Variants in VWA5B2 observed in about 807,000 individuals in gnomAD.
VWA5B2 encodes the protein von Willebrand factor A domain containing 5B2.
A neutral mutation model predicts 118.5 loss-of-function variants in VWA5B2; 93 were observed. The ratio of observed to expected loss-of-function variants is 0.79; its 90% confidence interval spans 0.66 to 0.93. VWA5B2 has a LOEUF of 0.93. VWA5B2 is among the 40% of genes least tolerant of loss of function. The pLI, the probability that VWA5B2 is intolerant of heterozygous loss-of-function variation, is 0.00. For synonymous variants in VWA5B2, 708 were observed against 716.3 expected, an observed-to-expected ratio of 0.99 and a Z score of 0.19; for missense variants, 1,546 against 1,672.8, an observed-to-expected ratio of 0.92 and a Z score of 1.32.
rs1056160774 is a variant in VWA5B2, at chr3:184,235,219, T to C, written c.1012T>C (p.Cys338Arg). The C allele has an allele frequency of 1.4e-5, 22 of 1,551,578 alleles. No homozygotes were observed. Among genetic ancestry groups the C allele is most frequent in the Non-Finnish European group, 1.9e-5 (22 of 1,146,986 alleles). The change falls in exon 8 of 20, where the codon TGC becomes CGC. Residue 338 changes from cysteine to arginine, a missense_variant. By Grantham distance (180) the Cys-to-Arg change is radical (BLOSUM62 -3). Around this residue, in one of 3 missense-constraint regions of VWA5B2, gnomAD observed 775 missense variants for 882.3 expected, o/e 0.88. Coordinates refer to ENST00000691901, the MANE Select transcript of VWA5B2 (RefSeq NM_001390846.1). ...LLNPVLALSF[C>R]PDLSSKPGHL... ...GAACCCCGTGCTGGCGCTGAGCTTC[T>C]GCCCAGACCTGAGCTCCAAGCCCGG... is the stretch of plus-strand genomic sequence containing the variant.
At position 184,241,328 on chromosome 3, in the gene VWA5B2, G is replaced by C. The variant is rs1474358902; in HGVS notation, c.3104G>C (p.Arg1035Pro). Residue 1035 changes from arginine (R) to proline (P), a missense_variant, in exon 19 of 20, where the codon CGC (arginine) becomes CCC (proline). Coordinates refer to ENST00000691901, the MANE Select transcript of VWA5B2 (RefSeq NM_001390846.1). This position sits in a 1 kb window ranked among gnomAD's most constrained non-coding sequence, Gnocchi z 5.1. ...PRPPCRLSMG[R>P]RHKLCSPDPG... is the part of the protein sequence containing the mutation. The stretch of plus-strand genomic sequence containing the variant: ...CCTCCCTGTCGGCTCAGCATGGGCC[G>C]CCGTCACAAACTCTGTAGCCCTGAC... The C allele has an allele frequency of 6.4e-7, 1 of 1,551,416 alleles. No homozygotes were observed. Among genetic ancestry groups the C allele is most frequent in the East Asian group, 2.4e-5 (1 of 40,922 alleles).
rs1718603105 is a variant in VWA5B2, at chr3:184,241,296, TCCCCGTCCTC to T, written c.3075_3084del (p.Arg1026ValfsTer143). On this transcript the variant is annotated frameshift_variant, in exon 19 of 20. Coordinates refer to ENST00000691901, the MANE Select transcript of VWA5B2 (RefSeq NM_001390846.1). LOFTEE classifies it high-confidence loss of function. This position sits in a 1 kb window ranked among gnomAD's most constrained non-coding sequence, Gnocchi z 5.1. The stretch of plus-strand genomic sequence containing the variant: ...CCACGGAAGGTCCTCGCCGCCCACC[TCCCCGTCCTC>T]CCTGTCGGCTCAGCATGGGCCGCCG... The T allele has an allele frequency of 1.3e-6, 2 of 1,550,966 alleles. No individual in the cohort carries two copies. Among genetic ancestry groups the T allele is most frequent in the Admixed American group, 3.9e-5 (2 of 50,956 alleles).
chr3:184,236,691 C>A lies in VWA5B2; in HGVS notation c.1475C>A (p.Ser492Tyr). 1 of 1,551,108 alleles carries A rather than the reference C, an allele frequency of 6.4e-7. No individual in the cohort carries two copies. Among genetic ancestry groups the A allele is most frequent in the Non-Finnish European group, 8.7e-7 (1 of 1,146,538 alleles). ...TGCCACCAGCTGCTCCAGGGTTTAT[C>A]TGCCCTCAGCAGAGGCCAGGCCTAC... ...PTCHQLLQGL[S>Y]ALSRGQAYFL... is the part of the protein sequence containing the mutation. The change falls in exon 11 of 20, where the codon TCT becomes TAT. Residue 492 changes from serine (S) to tyrosine (Y), a missense_variant. Ser to Tyr is a moderately radical substitution (Grantham distance 144, BLOSUM62 -2). This residue lies in a region of VWA5B2 where 775 missense variants were observed against 882.3 expected (regional missense o/e 0.88). Transcript: ENST00000691901.
At position 184,233,365 on chromosome 3, in the gene VWA5B2, G is replaced by A. The variant is rs947142250; in HGVS notation, c.498G>A (p.Gly166=). Residue 166 remains glycine, a synonymous_variant, in exon 4 of 20, where the codon GGG becomes GGA. Coordinates refer to ENST00000691901, the MANE Select transcript of VWA5B2 (RefSeq NM_001390846.1). The surrounding 1 kb of genome is among the most constrained non-coding windows in gnomAD (Gnocchi z 5.2). ...LTPLAPPGPP[G]PPRPPGLCDD... is the part of the protein sequence containing the mutation. ...CGCTGGCCCCGCCAGGCCCGCCGGG[G>A]CCCCCCAGGCCTCCGGGGCTCTGTG... 12 of 1,539,110 alleles carry A rather than the reference G, an allele frequency of 7.8e-6. No individual in the cohort carries two copies. Among genetic ancestry groups the A allele is most frequent in the East Asian group, 2.4e-5 (1 of 40,826 alleles).
rs776194690 is a variant in VWA5B2 at position 184,237,322 on chromosome 3, C to T, written c.1630C>T (p.Arg544Trp). ...PDTVEALLTP[R>W]EIPALYPGDQ... ...CACTGTGGAGGCACTGCTGACCCCC[C>T]GGGAGATCCCAGCACTCTACCCTGG... Residue 544 changes from arginine to tryptophan, a missense_variant, in exon 12 of 20, where the codon CGG becomes TGG. Coordinates refer to ENST00000691901, the MANE Select transcript of VWA5B2 (RefSeq NM_001390846.1). The surrounding 1 kb of genome is among the most constrained non-coding windows in gnomAD (Gnocchi z 5.6). The T allele has an allele frequency of 9.7e-6, 15 of 1,551,316 alleles. No homozygotes were observed. The highest frequency in any genetic ancestry group is 4.8e-5 in the South Asian group (4 of 84,056).
chr3:184,237,415 A>G lies in VWA5B2; in HGVS notation c.1719+4A>G. The G allele has an allele frequency of 7.8e-6, 12 of 1,545,574 alleles. No homozygotes were observed. The highest frequency in any genetic ancestry group is 9.6e-6 in the Non-Finnish European group (11 of 1,142,854). On this transcript the variant is annotated splice_donor_region_variant and intron_variant, in intron 12 of 19. Transcript: ENST00000691901. This position sits in a 1 kb window ranked among gnomAD's most constrained non-coding sequence, Gnocchi z 5.6. ...CTTCCGGTCCCGCCCACCAGGGGTAAGCTTGGGCTGGGGTGTGGTAGGGGG... is the reference window on the plus strand; with the variant it reads ...CTTCCGGTCCCGCCCACCAGGGGTAGGCTTGGGCTGGGGTGTGGTAGGGGG...
chr3:184,234,246 C>T lies in VWA5B2; in HGVS notation c.689-20C>T, dbSNP rs754823833. The T allele has an allele frequency of 3.9e-6, 6 of 1,550,526 alleles. No homozygotes were observed. The South Asian group carries it at 4.8e-5, about 12-fold the overall frequency. On this transcript the variant is annotated intron_variant, in intron 5 of 19. Transcript: ENST00000691901. Reference sequence around the variant, plus strand: ...AGGTGTTATGGCTACATCTCCCCTTCCTGCCTCTATGTCCCTCAGGCCTGG... The same window carrying T: ...AGGTGTTATGGCTACATCTCCCCTTTCTGCCTCTATGTCCCTCAGGCCTGG...
intron 3 of VWA5B2, among the ~76,000 whole-genome samples, chr3:184,232,254 A>G (rs1020431841): frequency 2.0e-5 from 3 of 152,058 alleles, no homozygotes; most frequent in African/African-American, 7.2e-5. Flanking sequence ...CACCACAATC[A>G]CAGAGTTATT....
Position 184,242,209 on chromosome 3 carries a change from G to A in VWA5B2, c.*171G>A. The stretch of plus-strand genomic sequence containing the variant: ...GCCCCCACAAAAAGTGCCTGCCTGT[G>A]CTCTCTCCCTCTCCTCCCACCCCAC... On this transcript the variant is annotated 3_prime_UTR_variant, in exon 20 of 20. Coordinates refer to ENST00000691901, the MANE Select transcript of VWA5B2 (RefSeq NM_001390846.1). 1 of 855,586 alleles carries A rather than the reference G, an allele frequency of 1.2e-6. No individual in the cohort carries two copies. Among genetic ancestry groups the A allele is most frequent in the African/African-American group, 1.7e-5 (1 of 59,628 alleles). The allele number at this position is 855,586 out of a possible 1,614,324, so 53.0% of individuals were successfully genotyped here. A position where few individuals can be genotyped will look rare whatever the true frequency, so the allele number is the denominator to read the frequency against.
Position 184,241,819 on chromosome 3 carries a change from C to T in VWA5B2, c.3510C>T (p.Ala1170=). ...TGCGGGGCCGGACCTGGGCCACTGCCGTAGCACTCGCCTGGCTGGAGCACC... is the reference window on the plus strand; with the variant it reads ...TGCGGGGCCGGACCTGGGCCACTGCTGTAGCACTCGCCTGGCTGGAGCACC... ...TDLRGRTWAT[A]VALAWLEHRC... The change falls in exon 20 of 20, where the codon GCC becomes GCT. Residue 1170 remains alanine (A), a synonymous_variant. Transcript: ENST00000691901. The surrounding 1 kb of genome is among the most constrained non-coding windows in gnomAD (Gnocchi z 5.1). 2 of 1,520,048 alleles carry T rather than the reference C, an allele frequency of 1.3e-6. No homozygotes were observed. The highest frequency in any genetic ancestry group is 1.3e-5 in the South Asian group (1 of 79,482). The allele number at this position is 1,520,048 out of a possible 1,614,324, so 94.2% of individuals were successfully genotyped here. A position where few individuals can be genotyped will look rare whatever the true frequency, so the allele number is the denominator to read the frequency against.
intron 3 of VWA5B2, 36 bp downstream of exon 3, chr3:184,230,953 G>A: frequency 8.3e-7 from 1 of 1,208,542 alleles, no homozygotes; most frequent in Non-Finnish European, 1.0e-6. Context: ...GCTCCTGAAA[G>A]CCGGGCGCAG....
At chr3:184,234,859 TCTCGGTAAGATCTCTC>T in intron 7 of VWA5B2, 104 bp downstream of exon 7, 1 of 1,480,796 alleles carries the variant, frequency 6.8e-7, no homozygotes, top group Non-Finnish European at 9.0e-7. Context: ...AGGCCTCTTT[TCTCGGTAAGATCTCTC>T]CACAGCTGCC....
Position 184,230,594 on chromosome 3 carries a change from C to T in VWA5B2, c.66C>T (p.Ala22=), listed in dbSNP as rs1717279335. The T allele has an allele frequency of 8.2e-6, 12 of 1,462,738 alleles. No individual in the cohort carries two copies. The highest frequency in any genetic ancestry group is 1.1e-5 in the Non-Finnish European group (12 of 1,114,192). The allele number at this position is 1,462,738 out of a possible 1,614,324, so 90.6% of individuals were successfully genotyped here. A position where few individuals can be genotyped will look rare whatever the true frequency, so the allele number is the denominator to read the frequency against. Residue 22 remains alanine (A), a synonymous_variant, in exon 2 of 20, where the codon GCC becomes GCT. Coordinates refer to ENST00000691901, the MANE Select transcript of VWA5B2 (RefSeq NM_001390846.1). The part of the protein sequence containing the change: ...PLPLTDSWVR[A]CANGPCLSVR... ...CGCTCACGGACTCCTGGGTCCGGGC[C>T]TGCGCCAACGGCCCCTGCCTCAGCG...
intron 8 of VWA5B2, among the ~76,000 whole-genome samples, chr3:184,235,890 A>G (rs1717925871): frequency 6.7e-6 from 1 of 148,436 alleles, no homozygotes; most frequent in Admixed American, 6.7e-5. Flanking sequence ...ACACACAGTC[A>G]TGTATACCTC....
At position 184,238,976 on chromosome 3, in the gene VWA5B2, G is replaced by T; in HGVS notation, c.2202+103G>T. 1 of 1,262,542 alleles carries T rather than the reference G, an allele frequency of 7.9e-7. No homozygotes were observed. The highest frequency in any genetic ancestry group is 1.5e-5 in the African/African-American group (1 of 66,320). The allele number at this position is 1,262,542 out of a possible 1,614,324, so 78.2% of individuals were successfully genotyped here. ...TAGAGTTTACTATTAAGTCTAGCTA[G>T]AGAGAAAGGTGGGTAAATCCCCAAC... On this transcript the variant is annotated intron_variant, in intron 14 of 19. Transcript: ENST00000691901. The surrounding 1 kb of genome is among the most constrained non-coding windows in gnomAD (Gnocchi z 5.0).
In VWA5B2 at chr3:184,235,172, G is replaced by A. The variant is rs1406668692; in HGVS notation, c.965G>A (p.Arg322His). ...GCTCAGGTGTGGTTCCTGCAGCGACGCTTCCACAAGGACATCCTGCTGAAC... is the reference window on the plus strand; with the variant it reads ...GCTCAGGTGTGGTTCCTGCAGCGACACTTCCACAAGGACATCCTGCTGAAC... ...GDRQVWFLQR[R>H]FHKDILLNPV... The change falls in exon 8 of 20, where the codon CGC (arginine) becomes CAC (histidine). Residue 322 changes from arginine (R) to histidine (H), a missense_variant. Physicochemically the swap from Arg to His is conservative, Grantham distance 29. This residue lies in a region of VWA5B2 where 775 missense variants were observed against 882.3 expected (regional missense o/e 0.88). Transcript: ENST00000691901. 4.5e-6 allele frequency: 7 copies of A among 1,551,484 alleles called. No individual in the cohort carries two copies. The highest frequency in any genetic ancestry group is 3.6e-5 in the South Asian group (3 of 84,064).
chr3:184,240,474 G>T (rs1247454381), intron 16 of VWA5B2: 7 of 440,744 alleles, frequency 1.6e-5, no homozygotes, highest in Non-Finnish European at 2.8e-5. Context: ...ATCATGAAGA[G>T]AGAGAACATT....
Position 184,230,462 on chromosome 3 carries a change from G to T in VWA5B2, c.-67G>T. 1 of 1,375,082 alleles carries T rather than the reference G, an allele frequency of 7.3e-7. No individual in the cohort carries two copies. Among genetic ancestry groups the T allele is most frequent in the Non-Finnish European group, 9.3e-7 (1 of 1,073,508 alleles). The allele number at this position is 1,375,082 out of a possible 1,614,324, so 85.2% of individuals were successfully genotyped here. A position where few individuals can be genotyped will look rare whatever the true frequency, so the allele number is the denominator to read the frequency against. ...CTCGCGCTGGCCTCTGGAGCGCGGGGTGGGCGTCCCGTCACCCTGCGCCCA... is the reference window on the plus strand; with the variant it reads ...CTCGCGCTGGCCTCTGGAGCGCGGGTTGGGCGTCCCGTCACCCTGCGCCCA... On this transcript the variant is annotated 5_prime_UTR_variant, in exon 2 of 20. Transcript: ENST00000691901.
In VWA5B2 at chr3:184,234,406, C is replaced by T. The variant is rs1717738798; in HGVS notation, c.820+9C>T. On this transcript the variant is annotated intron_variant, in intron 6 of 19. Transcript: ENST00000691901. Reference sequence around the variant, plus strand: ...CCTGCTGCACCCCAGTGGTGAGAGACTGGGACACACCGTGGGCCGGCTCTG... The same window carrying T: ...CCTGCTGCACCCCAGTGGTGAGAGATTGGGACACACCGTGGGCCGGCTCTG... 6.4e-7 allele frequency: 1 copy of T among 1,551,664 alleles called. No individual in the cohort carries two copies. The highest frequency in any genetic ancestry group is 1.7e-4 in the Middle Eastern group (1 of 5,992).
Sources: allele counts gnomAD v4.1 joint callset (sites outside exome capture counted in the v4.1 genomes callset), GRCh38; gene constraint gnomAD v4.1.1; regional missense constraint gnomAD v4.1.1; non-coding constraint Gnocchi (gnomAD v3.1); transcripts MANE v1.5; gene names NCBI Gene and HGNC (gene_info 2026-07-23, HGNC 2026-07-21).